Variants in RAD17 observed in about 807,000 individuals in gnomAD.
The protein encoded by RAD17 is RAD17 checkpoint clamp loader component.
Under a neutral mutation model 81.5 loss-of-function variants are expected in RAD17, and 31 were observed. The observed-to-expected ratio is 0.38, with a 90% CI of 0.29 to 0.51. RAD17 has a LOEUF of 0.51. RAD17 is among the 20% of genes least tolerant of loss of function. RAD17 has a pLI of 0.88. For missense variants in RAD17, 681 were observed against 781.2 expected (o/e 0.87, Z 1.53); for synonymous variants, 261 against 266.2 (o/e 0.98, Z 0.19).
intron 8 of RAD17, among the ~76,000 whole-genome samples, chr5:69,385,136 T>A (rs978711650): frequency 6.7e-6 from 1 of 149,792 alleles, no homozygotes; most frequent in Admixed American, 6.7e-5. Context: ...ATTTTTTGTA[T>A]TTTTTAGTAG....
chr5:69,399,020 AT>A (rs1310073504), intron 16 of RAD17, among the ~76,000 whole-genome samples: 120 of 152,116 alleles, frequency 7.9e-4, no homozygotes, highest in Admixed American at 2.2e-3. Context: ...AAAAAAAAAA[AT>A]AATAAAAAAA....
Position 69,396,506 on chromosome 5 carries a change from G to T in RAD17, c.1532G>T (p.Arg511Leu). ...TGCCAAGGAGGAGGATCAAGTTTTCGACCCTTGCACAAACCTCAGTGGTTT... is the reference window on the plus strand; with the variant it reads ...TGCCAAGGAGGAGGATCAAGTTTTCTACCCTTGCACAAACCTCAGTGGTTT... Reference protein sequence around the residue: ...AHCQGGGSSFRPLHKPQWFLI... With the variant: ...AHCQGGGSSFLPLHKPQWFLI... The change falls in exon 16 of 19, where the codon CGA becomes CTA. Residue 511 changes from arginine to leucine, a missense_variant. Coordinates refer to ENST00000354868, the MANE Select transcript of RAD17 (RefSeq NM_133338.3). The T allele has an allele frequency of 6.2e-7, 1 of 1,607,816 alleles. No individual in the cohort carries two copies. The highest frequency in any genetic ancestry group is 1.1e-5 in the South Asian group (1 of 90,724).
intron 6 of RAD17, among the ~76,000 whole-genome samples, chr5:69,380,302 A>G (rs984316827): frequency 1.3e-5 from 2 of 152,230 alleles, no homozygotes; most frequent in South Asian, 4.1e-4. Context: ...ATAATGAGAT[A>G]TACGTGTTAC....
chr5:69,377,306 G>C (rs191828331), intron 6 of RAD17, among the ~76,000 whole-genome samples: 1 of 150,188 alleles, frequency 6.7e-6, no homozygotes, highest in Non-Finnish European at 1.5e-5. Flanking sequence ...TTATTTTTCA[G>C]TGTCCATTGT....
At chr5:69,374,158 G>A in intron 5 of RAD17, 71 bp downstream of exon 5, 5 of 1,294,750 alleles carry the variant, frequency 3.9e-6, no homozygotes, top group Non-Finnish European at 5.3e-6. Context: ...GGGAAGCAGA[G>A]GGATTTACAT....
intron 16 of RAD17, among the ~76,000 whole-genome samples, chr5:69,398,785 G>C (rs1056493981): frequency 7.0e-6 from 1 of 142,810 alleles, no homozygotes; most frequent in Non-Finnish European, 1.5e-5. Context: ...CAGCCTAGGC[G>C]ACAGAAAAAG....
upstream of RAD17, chr5:69,369,482 A>G: frequency 6.2e-7 from 1 of 1,611,184 alleles, no homozygotes; most frequent in East Asian, 2.2e-5. Context: ...GGATGTTCGG[A>G]AGCAACATGG....
intron 17 of RAD17, among the ~76,000 whole-genome samples, chr5:69,402,823 CTT>C (rs920334133): frequency 3.9e-5 from 6 of 152,030 alleles, no homozygotes; most frequent in South Asian, 2.1e-4. Context: ...CTAAACTAGT[CTT>C]GAGTAAATTG....
At chr5:69,387,714 G>T (rs191238515) in intron 11 of RAD17, among the ~76,000 whole-genome samples, 1 of 152,040 alleles carries the variant, frequency 6.6e-6, no homozygotes, top group East Asian at 1.9e-4. Context: ...AAAATTAGCC[G>T]GATGTGGTGG....
upstream of RAD17, chr5:69,369,450 C>G (rs1762754630): frequency 1.2e-6 from 2 of 1,610,218 alleles, no homozygotes; most frequent in Non-Finnish European, 1.7e-6. Flanking sequence ...CCCTCCCGGC[C>G]GCGCGCCCTG....
intron 8 of RAD17, among the ~76,000 whole-genome samples, chr5:69,385,135 A>AT (rs367964196): frequency 6.6e-6 from 1 of 150,484 alleles, no homozygotes; most frequent in Non-Finnish European, 1.5e-5. Flanking sequence ...AATTTTTTGT[A>AT]TTTTTTAGTA....
chr5:69,392,542 T>A (rs1764612766), intron 13 of RAD17, among the ~76,000 whole-genome samples: 1 of 152,182 alleles, frequency 6.6e-6, no homozygotes, highest in South Asian at 2.1e-4. Context: ...CTCCTTTTGA[T>A]AGCAAATGCC....
rs1160507059 is a variant in RAD17, at chr5:69,393,533, A to T, written c.1422+33A>T. On this transcript the variant is annotated intron_variant, in intron 15 of 18. Coordinates refer to ENST00000354868, the MANE Select transcript of RAD17 (RefSeq NM_133338.3). ...CATTTGACTTAAAATGTTTATGTTT[A>T]TAGTATTTCCTTAGAATTAAGAAAA... 5 of 1,550,988 alleles carry T rather than the reference A, an allele frequency of 3.2e-6. No homozygotes were observed. The East Asian group carries it at 1.1e-4, about 35-fold the overall frequency.
Position 69,373,978 on chromosome 5 carries a change from G to T in RAD17, c.158G>T (p.Arg53Ile), listed in dbSNP as rs766452407. ...TTAGAAAGCAGCAGATTTCCAGCGA[G>T]AAAAAGAGGAAATCTATCTTCCTTA... Reference protein sequence around the residue: ...STLESSRFPARKRGNLSSLEQ... With the variant: ...STLESSRFPAIKRGNLSSLEQ... The change falls in exon 5 of 19, where the codon AGA (arginine) becomes ATA (isoleucine). Residue 53 changes from arginine (R) to isoleucine (I), a missense_variant. Coordinates refer to ENST00000354868, the MANE Select transcript of RAD17 (RefSeq NM_133338.3). The T allele has an allele frequency of 9.3e-6, 15 of 1,613,046 alleles. No homozygotes were observed. Among genetic ancestry groups the T allele is most frequent in the Non-Finnish European group, 1.2e-5 (14 of 1,179,468 alleles).
chr5:69,398,453 C>T (rs1765039119), intron 16 of RAD17, among the ~76,000 whole-genome samples: 1 of 152,088 alleles, frequency 6.6e-6, no homozygotes. Flanking sequence ...AAACAAAATA[C>T]ACAACAGTTT....
intron 16 of RAD17, 77 bp from the exon 17 acceptor site, chr5:69,399,972 A>G (rs1765155852): frequency 1.0e-6 from 1 of 982,538 alleles, no homozygotes; most frequent in Non-Finnish European, 1.4e-6. Context: ...AGTTTATATA[A>G]TAAACTTAGT....
At chr5:69,387,123 C>G (rs1339793516) in intron 11 of RAD17, among the ~76,000 whole-genome samples, 1 of 151,964 alleles carries the variant, frequency 6.6e-6, no homozygotes, top group Non-Finnish European at 1.5e-5. Context: ...CAGGGTCTCT[C>G]TGTGTTGCCC....
rs377281143 is a variant in RAD17 at position 69,414,045 on chromosome 5, C to T, written c.1766C>T (p.Ala589Val). ...GAATCTGACAGATTGAAAATGGAAG[C>T]CCTGACTGACAGGGAACATGGAATG... ...KRHFGRLKMEALTDREHGMID... is the reference protein window; with the variant it reads ...KRHFGRLKMEVLTDREHGMID... The change falls in exon 19 of 19, where the codon GCC becomes GTC. Residue 589 changes from alanine (A) to valine (V), a missense_variant. Ala to Val is a moderately conservative substitution (Grantham distance 64). Transcript: ENST00000354868. The T allele has an allele frequency of 2.2e-5, 36 of 1,614,106 alleles. No individual in the cohort carries two copies. The African/African-American group carries it at 4.4e-4, about 20-fold the overall frequency.
chr5:69,393,232 G>A lies in RAD17; in HGVS notation c.1267G>A (p.Glu423Lys). Residue 423 changes from glutamate (E) to lysine (K), a missense_variant, in exon 14 of 19, where the codon GAA (glutamate) becomes AAA (lysine). Transcript: ENST00000354868. ...ATATGAACGGGATACATTACTTGTTGAACCTGAGGTAAGTTCTTTGATGAC... is the reference window on the plus strand; with the variant it reads ...ATATGAACGGGATACATTACTTGTTAAACCTGAGGTAAGTTCTTTGATGAC... ...SEYERDTLLV[E>K]PEEVVEMSHM... The A allele has an allele frequency of 6.2e-7, 1 of 1,606,604 alleles. No individual in the cohort carries two copies. The highest frequency in any genetic ancestry group is 8.5e-7 in the Non-Finnish European group (1 of 1,173,932).
Sources: allele counts gnomAD v4.1 joint callset (sites outside exome capture counted in the v4.1 genomes callset), GRCh38; gene constraint gnomAD v4.1.1; transcripts MANE v1.5; gene names NCBI Gene and HGNC (gene_info 2026-07-23, HGNC 2026-07-21).